Variants in ERC1 observed in about 807,000 individuals in gnomAD.
ERC1 encodes ELKS/RAB6-interacting/CAST family member 1.
Under a neutral mutation model 132.0 loss-of-function variants are expected in ERC1, and 56 were observed. The observed-to-expected ratio is 0.42, with a 90% confidence interval of 0.34 to 0.53. The LOEUF (loss-of-function observed/expected upper bound fraction) is 0.53, where lower values mean the gene tolerates loss of function less well. ERC1 is among the 20% of genes least tolerant of loss of function. The probability of loss-of-function intolerance (pLI) is 0.03; values close to 1 mark genes in which losing one functional copy is unlikely to be tolerated. For synonymous variants in ERC1, 478 were observed against 476.1 expected (o/e 1.00, Z -0.05); for missense variants, 1,202 against 1,349.9 (o/e 0.89, Z 1.72).
chr12:1,289,534 G>T (rs2079286405), intron 14 of ERC1, among the ~76,000 whole-genome samples: 1 of 151,804 alleles, frequency 6.6e-6, no homozygotes, highest in Non-Finnish European at 1.5e-5. Context: ...GAAATTTCTG[G>T]GTCATTTCCA....
At chr12:1,130,802 GTCAGTCCCATGGC>G (rs1948691600) in intron 7 of ERC1, among the ~76,000 whole-genome samples, 1 of 152,098 alleles carries the variant, frequency 6.6e-6, no homozygotes, top group Non-Finnish European at 1.5e-5. Flanking sequence ...CTGTAATGCT[GTCAGTCCCATGGC>G]TCAGTGCCCT....
At chr12:1,474,773 G>A (rs550641046) in intron 18 of ERC1, among the ~76,000 whole-genome samples, 11 of 152,238 alleles carry the variant, frequency 7.2e-5, no homozygotes, top group South Asian at 4.1e-4. Flanking sequence ...GTAGCCAGTC[G>A]TAACCATGCT....
intron 3 of ERC1, among the ~76,000 whole-genome samples, chr12:1,094,940 A>G (rs1401504374): frequency 6.6e-6 from 1 of 152,172 alleles, no homozygotes; most frequent in Non-Finnish European, 1.5e-5. Flanking sequence ...CAGAAATTGA[A>G]TCTGTGAAGG....
intron 8 of ERC1, among the ~76,000 whole-genome samples, chr12:1,172,321 G>T (rs186232157): frequency 6.6e-6 from 1 of 150,478 alleles, no homozygotes; most frequent in African/African-American, 2.5e-5. Flanking sequence ...ATTAAAAATC[G>T]GCTGGGTGTG....
At chr12:1,043,409 T>A (rs1171484186) in intron 2 of ERC1, among the ~76,000 whole-genome samples, 1 of 152,116 alleles carries the variant, frequency 6.6e-6, no homozygotes, top group Non-Finnish European at 1.5e-5. Flanking sequence ...GCAGATAAAT[T>A]TTTGGATTTC....
At chr12:1,127,011 A>AAAAAAAAAAAAAC (rs1566033076) in intron 7 of ERC1, among the ~76,000 whole-genome samples, 1 of 144,146 alleles carries the variant, frequency 6.9e-6, no homozygotes, top group Non-Finnish European at 1.5e-5. Context: ...AAAAAAAAAA[A>AAAAAAAAAAAAAC]AACCTCAAAA....
intron 2 of ERC1, among the ~76,000 whole-genome samples, chr12:1,049,986 G>T (rs1013109993): frequency 2.6e-5 from 4 of 151,890 alleles, no homozygotes; most frequent in Admixed American, 6.6e-5. Flanking sequence ...CAGGTGATCC[G>T]CCCGCCTCGG....
intron 17 of ERC1, among the ~76,000 whole-genome samples, chr12:1,440,913 T>C (rs991407436): frequency 1.3e-5 from 2 of 152,056 alleles, no homozygotes; most frequent in African/African-American, 4.8e-5. Flanking sequence ...CCCAAAGTGC[T>C]GGAATTACAG....
At position 1,110,275 on chromosome 12, in the gene ERC1, T is replaced by C; in HGVS notation, c.1245T>C (p.Ser415=). 6.2e-7 allele frequency: 1 copy of C among 1,613,484 alleles called. No homozygotes were observed. Among genetic ancestry groups the C allele is most frequent in the Non-Finnish European group, 8.5e-7 (1 of 1,179,670 alleles). ...IQMLKSNGAL[S]TEEREEEMKQ... ...TGCTGAAATCGAATGGTGCTTTGAG[T>C]ACTGAGGAAAGGGAAGAAGAAATGA... The change falls in exon 5 of 19, where the codon AGT becomes AGC. Residue 415 remains serine, a synonymous_variant. Coordinates refer to ENST00000360905, the MANE Select transcript of ERC1 (RefSeq NM_178040.4).
At chr12:1,408,041 A>C in intron 16 of ERC1, 108 bp from the exon 17 acceptor site, 1 of 701,980 alleles carries the variant, frequency 1.4e-6, no homozygotes, top group Non-Finnish European at 2.4e-6. Context: ...TTTATTGCAG[A>C]CAGGATTAGT....
intron 2 of ERC1, among the ~76,000 whole-genome samples, chr12:1,064,671 G>T (rs1382585577): frequency 1.3e-5 from 2 of 152,174 alleles, no homozygotes; most frequent in African/African-American, 4.8e-5. Context: ...GGGATTGCAG[G>T]AGTTAGCCAC....
At chr12:1,234,564 G>C (rs941824552) in intron 12 of ERC1, among the ~76,000 whole-genome samples, 5 of 151,558 alleles carry the variant, frequency 3.3e-5, no homozygotes, top group East Asian at 1.9e-4. Flanking sequence ...TGTTGCTGTA[G>C]TTGGTTGGTT....
intron 2 of ERC1, among the ~76,000 whole-genome samples, chr12:1,033,733 G>T (rs566933807): frequency 9.9e-5 from 15 of 151,826 alleles, no homozygotes; most frequent in African/African-American, 3.6e-4. Flanking sequence ...GAGTTCAAGC[G>T]ATTCTCCTGC....
intron 13 of ERC1, among the ~76,000 whole-genome samples, chr12:1,243,060 G>A (rs1414992799): frequency 2.0e-5 from 3 of 151,684 alleles, no homozygotes; most frequent in African/African-American, 4.8e-5. Context: ...GGTGGCGGGC[G>A]CCTGTAGTCC....
chr12:1,148,090 T>A (rs1299536701), intron 8 of ERC1, among the ~76,000 whole-genome samples: 1 of 152,188 alleles, frequency 6.6e-6, no homozygotes, highest in East Asian at 1.9e-4. Flanking sequence ...CTTAGATGAT[T>A]AATGTTACTG....
chr12:1,154,489 G>C (rs1951182916), intron 8 of ERC1, among the ~76,000 whole-genome samples: 1 of 151,784 alleles, frequency 6.6e-6, no homozygotes, highest in Admixed American at 6.6e-5. Context: ...AAACTCCTCT[G>C]AACATTGGCT....
chr12:1,274,079 TAA>T (rs1335578853), intron 14 of ERC1, among the ~76,000 whole-genome samples: 1 of 152,204 alleles, frequency 6.6e-6, no homozygotes, highest in Non-Finnish European at 1.5e-5. Flanking sequence ...TGTAGATGCT[TAA>T]AGTTATGACG....
intron 15 of ERC1, among the ~76,000 whole-genome samples, chr12:1,357,439 C>T (rs1167201849): frequency 6.6e-6 from 1 of 152,142 alleles, no homozygotes; most frequent in Non-Finnish European, 1.5e-5. Flanking sequence ...AGATTAATTG[C>T]CGAAAGCATT....
At chr12:1,461,219 A>G (rs969783305) in intron 18 of ERC1, among the ~76,000 whole-genome samples, 1 of 152,080 alleles carries the variant, frequency 6.6e-6, no homozygotes, top group South Asian at 2.1e-4. Flanking sequence ...TTTGATACAG[A>G]TCATCTCATA....
Sources: gnomAD v4.1 joint callset for allele counts (sites outside exome capture counted in the v4.1 genomes callset) on GRCh38, gnomAD v4.1.1 for gene constraint, MANE v1.5 for transcripts, NCBI Gene and HGNC (gene_info 2026-07-23, HGNC 2026-07-21) for gene names.